Variants in SORBS3 observed in about 807,000 individuals in gnomAD.
SORBS3 encodes the protein vinexin.
Under a neutral mutation model 98.0 loss-of-function variants are expected in SORBS3, and 69 were observed. The ratio of observed to expected loss-of-function variants is 0.70; its 90% CI spans 0.58 to 0.86. The LOEUF is 0.86. Ranked by LOEUF, SORBS3 falls within the 40% of genes least tolerant of loss-of-function variation. The probability of loss-of-function intolerance (pLI) is 0.00; values close to 1 mark genes in which losing one functional copy is unlikely to be tolerated. For missense variants in SORBS3, 954 were observed against 908.5 expected, an observed-to-expected ratio of 1.05 and a Z score of -0.64; for synonymous variants, 394 against 355.4, an observed-to-expected ratio of 1.11 and a Z score of -1.22.
intron 10 of SORBS3, chr8:22,564,878 G>C (rs1840372069): frequency 7.8e-7 from 1 of 1,283,878 alleles, no homozygotes; most frequent in East Asian, 3.7e-5. Flanking sequence ...GTGGGGGTGG[G>C]GGCTCCGGTC....
chr8:22,569,237 C>T lies in SORBS3; in HGVS notation c.1395C>T (p.Phe465=). 6.2e-7 allele frequency: 1 copy of T among 1,605,638 alleles called. No homozygotes were observed. Among genetic ancestry groups the T allele is most frequent in the East Asian group, 2.3e-5 (1 of 43,946 alleles). Reference sequence around the variant, plus strand: ...GAGAGGCTGTGGCCCAGTACACCTTCAAGGGGGACCTGGAGGTGGAGCTGT... The same window carrying T: ...GAGAGGCTGTGGCCCAGTACACCTTTAAGGGGGACCTGGAGGTGGAGCTGT... ...EYGEAVAQYT[F]KGDLEVELSF... is the part of the protein sequence containing the mutation. Residue 465 remains phenylalanine (F), a synonymous_variant, in exon 17 of 21, where the codon TTC becomes TTT. Transcript: ENST00000240123.
intron 20 of SORBS3, among the ~76,000 whole-genome samples, chr8:22,572,878 G>T (rs2117306099): frequency 6.6e-6 from 1 of 152,330 alleles, no homozygotes; most frequent in South Asian, 2.1e-4. Flanking sequence ...GCCCCTCAGG[G>T]CTGGCCCAAG....
chr8:22,547,927 C>A (rs1447653724), upstream of SORBS3, among the ~76,000 whole-genome samples: 1 of 152,204 alleles, frequency 6.6e-6, no homozygotes, highest in African/African-American at 2.4e-5. Flanking sequence ...CTCCCGCAGC[C>A]TTTGGGAGAT....
intron 19 of SORBS3, 51 bp from the exon 20 acceptor site, chr8:22,572,289 G>C (rs756676645): frequency 6.7e-7 from 1 of 1,486,660 alleles, no homozygotes; most frequent in East Asian, 2.3e-5. Flanking sequence ...GCAACACTTG[G>C]GTTAGAGCCT....
intron 3 of SORBS3, 32 bp downstream of exon 3, chr8:22,555,012 T>C: frequency 6.3e-7 from 1 of 1,578,866 alleles, no homozygotes; most frequent in East Asian, 2.2e-5. Context: ...ATGCTGGAGA[T>C]GGAGGGTCAG....
At chr8:22,567,727 C>T (rs1199787826) in intron 16 of SORBS3, among the ~76,000 whole-genome samples, 2 of 152,154 alleles carry the variant, frequency 1.3e-5, no homozygotes, top group Non-Finnish European at 1.5e-5. Context: ...GATAGGTTAT[C>T]TTTGCTATTT....
At chr8:22,569,720 C>G (rs921758283) in intron 17 of SORBS3, among the ~76,000 whole-genome samples, 1 of 152,124 alleles carries the variant, frequency 6.6e-6, no homozygotes, top group Admixed American at 6.5e-5. Flanking sequence ...TTTCATTATG[C>G]TTCCTTTAGT....
At chr8:22,552,878 G>A (rs918504157) in intron 1 of SORBS3, among the ~76,000 whole-genome samples, 2 of 152,186 alleles carry the variant, frequency 1.3e-5, no homozygotes, top group African/African-American at 4.8e-5. Flanking sequence ...TTGCTTTGGT[G>A]GGAGTCCTAA....
upstream of SORBS3, among the ~76,000 whole-genome samples, chr8:22,547,981 T>C (rs1475577820): frequency 1.3e-5 from 2 of 152,304 alleles, no homozygotes; most frequent in African/African-American, 4.8e-5. Context: ...ACATCATGCG[T>C]GTGCTATGGA....
At chr8:22,557,843 A>G (rs1325483050) in intron 4 of SORBS3, among the ~76,000 whole-genome samples, 1 of 152,196 alleles carries the variant, frequency 6.6e-6, no homozygotes, top group Non-Finnish European at 1.5e-5. Context: ...TTGTAGAAAC[A>G]CTAGACATAA....
intron 11 of SORBS3, 145 bp from the exon 12 acceptor site, chr8:22,565,681 G>A: frequency 1.8e-5 from 22 of 1,211,902 alleles, no homozygotes; most frequent in African/African-American, 3.2e-5. Context: ...CCCGCTCCCG[G>A]GATCGGCCGC....
chr8:22,575,137 CA>C lies in SORBS3; in HGVS notation c.*412del, dbSNP rs1586913194. 2 of 336,740 alleles carry C rather than the reference CA, an allele frequency of 5.9e-6. No homozygotes were observed. The highest frequency in any genetic ancestry group is 1.8e-4 in the East Asian group (2 of 11,378). 20.9% of individuals were successfully genotyped at this position (336,740 alleles called of 1,614,324 possible). On this transcript the variant is annotated 3_prime_UTR_variant, in exon 21 of 21. Transcript: ENST00000240123. ...ACCAGCTTCCTAGCCTCGTAGAGAC[CA>C]AAGGCCGCCCCCGCCTGCTGGGGTT...
chr8:22,561,346 G>T lies in SORBS3; in HGVS notation c.490G>T (p.Asp164Tyr), dbSNP rs1362120339. 5 of 1,607,324 alleles carry T rather than the reference G, an allele frequency of 3.1e-6. No homozygotes were observed. Among genetic ancestry groups the T allele is most frequent in the Non-Finnish European group, 3.4e-6 (4 of 1,175,902 alleles). ...IHRKMPDLQL[D>Y]WTFEEPPRDP... ...TTCTGCTCCTGCAGACTTGCAGCTG[G>T]ACTGGACCTTCGAGGAGCCACCCAG... Residue 164 changes from aspartate (D) to tyrosine (Y), a missense_variant, in exon 6 of 21, where the codon GAC becomes TAC. Physicochemically the swap from Asp to Tyr is radical, Grantham distance 160. Coordinates refer to ENST00000240123, the MANE Select transcript of SORBS3 (RefSeq NM_005775.5).
In SORBS3 at chr8:22,556,707, C is replaced by T. The variant is rs1840188850; in HGVS notation, c.221-8C>T. The T allele has an allele frequency of 3.1e-6, 5 of 1,613,570 alleles. No individual in the cohort carries two copies. The highest frequency in any genetic ancestry group is 4.2e-6 in the Non-Finnish European group (5 of 1,179,932). The stretch of plus-strand genomic sequence containing the variant: ...TTTCACTAATGCTCTCCTGCACGCA[C>T]CCAACAGACCCTGCGTGGTATCAGA... On this transcript the variant is annotated splice_polypyrimidine_tract_variant and splice_region_variant and intron_variant, in intron 3 of 20. Coordinates refer to ENST00000240123, the MANE Select transcript of SORBS3 (RefSeq NM_005775.5).
Position 22,561,916 on chromosome 8 carries a change from C to T in SORBS3, c.569C>T (p.Ala190Val). 5 of 1,614,154 alleles carry T rather than the reference C, an allele frequency of 3.1e-6. No individual in the cohort carries two copies. Among genetic ancestry groups the T allele is most frequent in the Non-Finnish European group, 4.2e-6 (5 of 1,179,998 alleles). The change falls in exon 7 of 21, where the codon GCA becomes GTA. Residue 190 changes from alanine (A) to valine (V), a missense_variant. Coordinates refer to ENST00000240123, the MANE Select transcript of SORBS3 (RefSeq NM_005775.5). ...AGACCTGCCCACAGGCCCGGCCCGGCAACATCTTCCAGTGGGTGAGCACAG... is the reference window on the plus strand; with the variant it reads ...AGACCTGCCCACAGGCCCGGCCCGGTAACATCTTCCAGTGGGTGAGCACAG... Reference protein sequence around the residue: ...QQRPAHRPGPATSSSGRSWDH... With the variant: ...QQRPAHRPGPVTSSSGRSWDH...
Position 22,564,270 on chromosome 8 carries a change from C to T in SORBS3, c.676-13C>T. On this transcript the variant is annotated splice_polypyrimidine_tract_variant and intron_variant, in intron 8 of 20. Transcript: ENST00000240123. ...CCCTCTTCACAAGCTGACACCCACC[C>T]ACCTCCACGCAGGTGCTCAGACGCC... 1 of 1,575,690 alleles carries T rather than the reference C, an allele frequency of 6.3e-7. No homozygotes were observed. The highest frequency in any genetic ancestry group is 8.6e-7 in the Non-Finnish European group (1 of 1,159,130).
chr8:22,567,068 A>G lies in SORBS3; in HGVS notation c.1198A>G (p.Thr400Ala), dbSNP rs763622530. 3.1e-6 allele frequency: 5 copies of G among 1,612,068 alleles called. No individual in the cohort carries two copies. Among genetic ancestry groups the G allele is most frequent in the Admixed American group, 3.3e-5 (2 of 60,000 alleles). Reference protein sequence around the residue: ...DFQAQSPKELTLQKGDIVYIH... With the variant: ...DFQAQSPKELALQKGDIVYIH... ...CCTCGTCCCCACCTGCAGGGAGCTG[A>G]CTCTGCAGAAGGGTGACATTGTCTA... Residue 400 changes from threonine to alanine, a missense_variant, in exon 16 of 21, where the codon ACT (threonine) becomes GCT (alanine). Coordinates refer to ENST00000240123, the MANE Select transcript of SORBS3 (RefSeq NM_005775.5).
chr8:22,572,482 C>T, intron 20 of SORBS3, 36 bp downstream of exon 20: 8 of 1,518,674 alleles, frequency 5.3e-6, no homozygotes, highest in Non-Finnish European at 7.3e-6. Flanking sequence ...ATCTCAGGGC[C>T]CCAGGGGATG....
upstream of SORBS3, chr8:22,551,770 C>T: frequency 1.0e-6 from 1 of 984,990 alleles, no homozygotes. The surrounding 1 kb of genome is among the most constrained non-coding windows in gnomAD (Gnocchi z 5.8). Flanking sequence ...AGTCCAGATC[C>T]GAGACCCAAA....
Sources: allele counts gnomAD v4.1 joint callset (sites outside exome capture counted in the v4.1 genomes callset), GRCh38; gene constraint gnomAD v4.1.1; non-coding constraint Gnocchi (gnomAD v3.1); transcripts MANE v1.5; gene names NCBI Gene and HGNC (gene_info 2026-07-23, HGNC 2026-07-21).